Variants in LENG1 observed in about 807,000 individuals in gnomAD.
LENG1 encodes leukocyte receptor cluster member 1, also known as leukocyte receptor cluster (LRC) member 1.
LENG1 carries 35 observed loss-of-function variants against 28.8 expected under a neutral mutation model. The observed-to-expected ratio is 1.22, with a 90% confidence interval of 0.93 to 1.61. LENG1 has a LOEUF of 1.61. Ranked by LOEUF, LENG1 falls within the 40% of genes most tolerant of loss-of-function variation. The probability of loss-of-function intolerance (pLI) is 0.00; values close to 1 mark genes in which losing one functional copy is unlikely to be tolerated. For synonymous variants in LENG1, 170 were observed against 140.6 expected, an observed-to-expected ratio of 1.21 and a Z score of -1.48; for missense variants, 404 against 348.9, an observed-to-expected ratio of 1.16 and a Z score of -1.26.
rs2075407005 is a variant in LENG1, at chr19:54,157,075, C to T, written c.313-50G>A. 6 of 1,439,790 alleles carry T rather than the reference C, an allele frequency of 4.2e-6. No individual in the cohort carries two copies. The South Asian group carries it at 7.5e-5, about 18-fold the overall frequency. The allele number at this position is 1,439,790 out of a possible 1,614,324, so 89.2% of individuals were successfully genotyped here. On this transcript the variant is annotated intron_variant, in intron 2 of 3. Transcript: ENST00000222224. ...GATGTGATATAATCTTTCAAGGTGT[C>T]AGGTGTGTCTCCCTGACACAGGTAT...
At position 54,159,545 on chromosome 19, in the gene LENG1, T is replaced by C; in HGVS notation, c.132+19A>G. On this transcript the variant is annotated intron_variant, in intron 1 of 3. Coordinates refer to ENST00000222224, the MANE Select transcript of LENG1 (RefSeq NM_024316.3). ...CGCGCTGGGCCCCGGAGCGCCGCCC[T>C]GCCGGCTTCCGAGCTTACCTCTTGC... The C allele has an allele frequency of 2.0e-6, 3 of 1,529,964 alleles. No homozygotes were observed. The highest frequency in any genetic ancestry group is 2.4e-5 in the South Asian group (2 of 82,972). 94.8% of individuals were successfully genotyped at this position (1,529,964 alleles called of 1,614,324 possible).
In LENG1 at chr19:54,156,788, C is replaced by G. The variant is rs199661874; in HGVS notation, c.550G>C (p.Gly184Arg). 2 of 1,613,670 alleles carry G rather than the reference C, an allele frequency of 1.2e-6. No homozygotes were observed. Among genetic ancestry groups the G allele is most frequent in the African/African-American group, 2.7e-5 (2 of 75,038 alleles). Residue 184 changes from glycine to arginine, a missense_variant, in exon 3 of 4, where the codon GGG (glycine) becomes CGG (arginine). Physicochemically the swap from Gly to Arg is moderately radical, Grantham distance 125. Coordinates refer to ENST00000222224, the MANE Select transcript of LENG1 (RefSeq NM_024316.3). ...EGSRSRKEKE[G>R]SEKQRPKEPP... ...TCCTTGGGTCGCTGCTTCTCAGACC[C>G]CTCCTTTTCCTTTCTGCTGCGACTG... is the stretch of plus-strand genomic sequence containing the variant.
intron 1 of LENG1, 41 bp from the exon 2 acceptor site, chr19:54,158,502 G>A (rs957620955): frequency 1.9e-6 from 3 of 1,580,952 alleles, no homozygotes; most frequent in Admixed American, 1.7e-5. Context: ...GAACCTAGAG[G>A]TAATTCAAGA....
In LENG1 at chr19:54,159,584, C is replaced by A. The variant is rs1419358226; in HGVS notation, c.112G>T (p.Val38Leu). Residue 38 changes from valine (V) to leucine (L), a missense_variant, in exon 1 of 4, where the codon GTG (valine) becomes TTG (leucine). Val to Leu is a conservative substitution (Grantham distance 32). Coordinates refer to ENST00000222224, the MANE Select transcript of LENG1 (RefSeq NM_024316.3). ...REEEKERERR[V>L]LLAQQEARTE... ...CTTACCTCTTGCTGAGCCAGCAGCA[C>A]CCTCCGCTCACGCTCCTTCTCCTCC... is the stretch of plus-strand genomic sequence containing the variant. 2 of 1,591,838 alleles carry A rather than the reference C, an allele frequency of 1.3e-6. No individual in the cohort carries two copies. The highest frequency in any genetic ancestry group is 2.3e-5 in the South Asian group (2 of 88,616).
At position 54,155,847 on chromosome 19, in the gene LENG1, G is replaced by C; in HGVS notation, c.669C>G (p.Gly223=). The change falls in exon 4 of 4, where the codon GGC becomes GGG. Residue 223 remains glycine, a synonymous_variant. Transcript: ENST00000222224. ...RAEALLARVQ[G]RALQEGQPEE... Reference sequence around the variant, plus strand: ...CCGGCTGACCCTCCTGTAGTGCCCGGCCTTGGACCCGGGCCAGCAGGGCCT... The same window carrying C: ...CCGGCTGACCCTCCTGTAGTGCCCGCCCTTGGACCCGGGCCAGCAGGGCCT... The C allele has an allele frequency of 6.2e-7, 1 of 1,612,760 alleles. No homozygotes were observed. The highest frequency in any genetic ancestry group is 2.2e-5 in the East Asian group (1 of 44,824).
chr19:54,155,985 G>T (rs772611757), intron 3 of LENG1, 45 bp from the exon 4 acceptor site: 1 of 1,530,788 alleles, frequency 6.5e-7, no homozygotes. Flanking sequence ...GCCCCTAGGA[G>T]GCCATTCCCC....
rs778431427 is a variant in LENG1 at position 54,156,785 on chromosome 19, A to AC, written c.552dup (p.Ser185ValfsTer2). 1.9e-6 allele frequency: 3 copies of AC among 1,612,518 alleles called. No homozygotes were observed. Among genetic ancestry groups the AC allele is most frequent in the South Asian group, 1.1e-5 (1 of 90,920 alleles). On this transcript the variant is annotated frameshift_variant, in exon 3 of 4. Transcript: ENST00000222224. LOFTEE classifies it high-confidence loss of function. ...TACTCCTTGGGTCGCTGCTTCTCAGACCCCTCCTTTTCCTTTCTGCTGCGA... is the reference window on the plus strand; with the variant it reads ...TACTCCTTGGGTCGCTGCTTCTCAGACCCCCTCCTTTTCCTTTCTGCTGCGA...
At chr19:54,156,344 C>G (rs537027034) in intron 3 of LENG1, among the ~76,000 whole-genome samples, 8 of 152,228 alleles carry the variant, frequency 5.3e-5, no homozygotes, top group Admixed American at 4.6e-4. Context: ...GTCTCAGGAC[C>G]CCTTTATACT....
intron 3 of LENG1, 58 bp downstream of exon 3, chr19:54,156,705 G>C: frequency 6.5e-7 from 1 of 1,535,410 alleles, no homozygotes; most frequent in South Asian, 1.3e-5. Flanking sequence ...GCCCATGCTG[G>C]GCTGCTGCCA....
Position 54,157,033 on chromosome 19 carries a change from G to A in LENG1, c.313-8C>T, listed in dbSNP as rs1171610296. On this transcript the variant is annotated splice_polypyrimidine_tract_variant and splice_region_variant and intron_variant, in intron 2 of 3. Transcript: ENST00000222224. ...AGCTTTCTCTTGCCTCTCCTGAGGG[G>A]GCCAGGAAATACAAGAGATGTGATA... 6 of 1,518,800 alleles carry A rather than the reference G, an allele frequency of 4.0e-6. No individual in the cohort carries two copies. The highest frequency in any genetic ancestry group is 4.4e-6 in the Non-Finnish European group (5 of 1,133,742). The allele number at this position is 1,518,800 out of a possible 1,614,324, so 94.1% of individuals were successfully genotyped here.
chr19:54,159,482 G>C, intron 1 of LENG1, 82 bp downstream of exon 1: 1 of 1,395,202 alleles, frequency 7.2e-7, no homozygotes, highest in Non-Finnish European at 9.4e-7. Flanking sequence ...TTGAGCCTGC[G>C]CAACGCCTCC....
chr19:54,156,511 C>T (rs2075389710), intron 3 of LENG1, among the ~76,000 whole-genome samples: 1 of 152,230 alleles, frequency 6.6e-6, no homozygotes, highest in South Asian at 2.1e-4. Context: ...GAAACCTGCA[C>T]TACATGCCTG....
At chr19:54,156,689 T>G (rs2075393497) in intron 3 of LENG1, 74 bp downstream of exon 3, 1 of 1,465,334 alleles carries the variant, frequency 6.8e-7, no homozygotes, top group Admixed American at 2.1e-5. Context: ...CCAGAGACGC[T>G]GCAGTGCCCA....
rs756283710 is a variant in LENG1 at position 54,158,339 on chromosome 19, T to C, written c.255A>G (p.Glu85=). The C allele has an allele frequency of 6.2e-7, 1 of 1,610,918 alleles. No individual in the cohort carries two copies. The highest frequency in any genetic ancestry group is 1.3e-5 in the African/African-American group (1 of 74,868). The change falls in exon 2 of 4, where the codon GAA becomes GAG. Residue 85 remains glutamate (E), a synonymous_variant. Transcript: ENST00000222224. Reference sequence around the variant, plus strand: ...TATTGCCTCTGATCACTCCTTTCCCTTCCTCCAGCAGCTCCCGAAACAGGT... The same window carrying C: ...TATTGCCTCTGATCACTCCTTTCCCCTCCTCCAGCAGCTCCCGAAACAGGT... ...PVDLFRELLE[E]GKGVIRGNKE...
At chr19:54,158,594 G>T in intron 1 of LENG1, 133 bp from the exon 2 acceptor site, 1 of 768,306 alleles carries the variant, frequency 1.3e-6, no homozygotes, top group Non-Finnish European at 2.1e-6. Context: ...GCGCCTAAAA[G>T]AGGCACCTGT....
chr19:54,157,162 GACAA>G (rs1293152981), intron 2 of LENG1, 137 bp from the exon 3 acceptor site: 2 of 635,804 alleles, frequency 3.1e-6, no homozygotes, highest in Non-Finnish European at 5.0e-6. Flanking sequence ...GGGGATGGAA[GACAA>G]ACAGAGGCAA....
At chr19:54,156,252 AC>A (rs1295339788) in intron 3 of LENG1, among the ~76,000 whole-genome samples, 4 of 152,074 alleles carry the variant, frequency 2.6e-5, no homozygotes, top group East Asian at 1.9e-4. Flanking sequence ...CAGGCAGTGT[AC>A]CCCCTCTAGA....
At chr19:54,158,204 C>A in intron 2 of LENG1, 78 bp downstream of exon 2, 1 of 1,331,342 alleles carries the variant, frequency 7.5e-7, no homozygotes, top group South Asian at 1.3e-5. Flanking sequence ...TGACCTTGGT[C>A]ACAACCAATG....
chr19:54,156,546 A>G (rs774147115), intron 3 of LENG1, among the ~76,000 whole-genome samples: 2 of 152,190 alleles, frequency 1.3e-5, no homozygotes, highest in Non-Finnish European at 2.9e-5. Context: ...AAAGTCCACC[A>G]GTGTCAGGAA....
Sources: allele counts gnomAD v4.1 joint callset (sites outside exome capture counted in the v4.1 genomes callset), GRCh38; gene constraint gnomAD v4.1.1; transcripts MANE v1.5; gene names NCBI Gene and HGNC (gene_info 2026-07-23, HGNC 2026-07-21).